The following TRIQK variants were observed in gnomAD, a reference collection of about 807,000 sequenced individuals.
TRIQK encodes the protein triple QxxK/R motif-containing protein.
In TRIQK, 10 loss-of-function variants were observed where a neutral mutation model predicts 10.8. That is an observed-to-expected ratio of 0.92 (90% CI 0.57 to 1.57). The LOEUF (loss-of-function observed/expected upper bound fraction) is 1.57, where lower values mean the gene tolerates loss of function less well. TRIQK is among the 40% of genes most tolerant of loss of function. TRIQK has a pLI of 0.00. For missense variants in TRIQK, 107 were observed against 97.7 expected (o/e 1.09, Z -0.40); for synonymous variants, 33 against 33.7 (o/e 0.98, Z 0.07).
chr8:92,983,339 T>TA (rs1023338837), intron 1 of TRIQK, among the ~76,000 whole-genome samples: 3 of 152,086 alleles, frequency 2.0e-5, no homozygotes, highest in Non-Finnish European at 2.9e-5. Context: ...TTAACTGCTA[T>TA]AAAAAAACAA....
At chr8:92,945,445 G>T (rs1008376010) in intron 2 of TRIQK, among the ~76,000 whole-genome samples, 2 of 152,192 alleles carry the variant, frequency 1.3e-5, no homozygotes, top group Non-Finnish European at 2.9e-5. Context: ...TGAAAGTATA[G>T]GGACAGTAAC....
At chr8:92,905,737 G>C (rs1586394769) in intron 3 of TRIQK, among the ~76,000 whole-genome samples, 1 of 152,262 alleles carries the variant, frequency 6.6e-6, no homozygotes, top group East Asian at 1.9e-4. Context: ...AATGGAATCT[G>C]AAGTACTGTT....
At chr8:92,930,313 C>T (rs1810649235) in intron 2 of TRIQK, among the ~76,000 whole-genome samples, 1 of 148,356 alleles carries the variant, frequency 6.7e-6, no homozygotes, top group Admixed American at 6.7e-5. Flanking sequence ...TCGCTTGAAC[C>T]CGGGAGGTGG....
intron 1 of TRIQK, among the ~76,000 whole-genome samples, chr8:92,958,390 T>C (rs1160707954): frequency 6.6e-6 from 1 of 152,002 alleles, no homozygotes; most frequent in East Asian, 1.9e-4. Flanking sequence ...ATCTGATTGA[T>C]ATGTAACTCA....
chr8:92,979,987 T>C (rs1563671865), intron 1 of TRIQK, among the ~76,000 whole-genome samples: 1 of 152,066 alleles, frequency 6.6e-6, no homozygotes, highest in African/African-American at 2.4e-5. Context: ...TCTAGCATAA[T>C]GTTGAAGAAT....
chr8:92,958,223 C>A (rs990233654), intron 1 of TRIQK, among the ~76,000 whole-genome samples: 1 of 151,920 alleles, frequency 6.6e-6, no homozygotes. Context: ...CCATTGACAG[C>A]TTAATAGCTT....
intron 1 of TRIQK, among the ~76,000 whole-genome samples, chr8:92,961,607 C>A (rs745453044): frequency 3.3e-5 from 5 of 152,212 alleles, no homozygotes; most frequent in Admixed American, 6.5e-5. Flanking sequence ...GTGCACCTTC[C>A]ACCTGCTATA....
chr8:92,988,724 T>C (rs1208728184), intron 1 of TRIQK, among the ~76,000 whole-genome samples: 2 of 152,216 alleles, frequency 1.3e-5, no homozygotes, highest in Non-Finnish European at 1.5e-5. Flanking sequence ...TTTTGTTATC[T>C]CATTACATCA....
intron 2 of TRIQK, among the ~76,000 whole-genome samples, chr8:92,949,790 G>GAAAGAA (rs1554605428): frequency 1.3e-3 from 28 of 21,340 alleles, no homozygotes; most frequent in South Asian, 9.3e-3. Flanking sequence ...GAAAAAGAAA[G>GAAAGAA]AAAGAAAGAA....
intron 1 of TRIQK, among the ~76,000 whole-genome samples, chr8:93,016,349 A>T (rs527264996): frequency 1.2e-4 from 18 of 152,290 alleles, no homozygotes; most frequent in African/African-American, 4.3e-4. Context: ...ATCAGTTGTT[A>T]TTTTCTAATC....
chr8:93,012,942 C>T (rs1170376043), intron 1 of TRIQK, among the ~76,000 whole-genome samples: 1 of 152,130 alleles, frequency 6.6e-6, no homozygotes, highest in African/African-American at 2.4e-5. Flanking sequence ...TGTTTTCACA[C>T]GCACTCTAGG....
At chr8:93,012,557 T>C (rs529221330) in intron 1 of TRIQK, among the ~76,000 whole-genome samples, 5 of 152,322 alleles carry the variant, frequency 3.3e-5, no homozygotes, top group African/African-American at 1.2e-4. Context: ...ATTTTTCTGG[T>C]CTTTAATTCT....
intron 2 of TRIQK, among the ~76,000 whole-genome samples, chr8:92,949,494 T>C (rs1261340708): frequency 6.8e-6 from 1 of 146,762 alleles, no homozygotes; most frequent in Non-Finnish European, 1.5e-5. Flanking sequence ...CCAATTACTA[T>C]TGAGGCAGTA....
At chr8:92,926,810 G>C (rs1201284047) in intron 2 of TRIQK, among the ~76,000 whole-genome samples, 1 of 152,184 alleles carries the variant, frequency 6.6e-6, no homozygotes. Context: ...CCTTATGAGA[G>C]AAAGGAAAGG....
chr8:92,903,155 T>G (rs1809047155), intron 3 of TRIQK, among the ~76,000 whole-genome samples: 1 of 152,076 alleles, frequency 6.6e-6, no homozygotes, highest in African/African-American at 2.4e-5. Context: ...GTTTAAAATT[T>G]TAACATTTTA....
At chr8:92,944,719 G>A (rs770147293) in intron 2 of TRIQK, among the ~76,000 whole-genome samples, 1 of 152,136 alleles carries the variant, frequency 6.6e-6, no homozygotes, top group Non-Finnish European at 1.5e-5. Flanking sequence ...GGGAAAAGGA[G>A]GAGGGTACAG....
intron 1 of TRIQK, among the ~76,000 whole-genome samples, chr8:93,009,218 T>A (rs1586530799): frequency 1.3e-5 from 2 of 152,220 alleles, no homozygotes; most frequent in East Asian, 3.9e-4. Flanking sequence ...GGACAACAGG[T>A]ACATGAAAAA....
intron 3 of TRIQK, among the ~76,000 whole-genome samples, chr8:92,908,210 GTTA>G (rs1290669697): frequency 3.9e-5 from 6 of 152,076 alleles, no homozygotes; most frequent in African/African-American, 1.4e-4. Flanking sequence ...TGAATATCTG[GTTA>G]TTGTTTTATA....
At chr8:92,984,469 G>A (rs867921346) in intron 1 of TRIQK, among the ~76,000 whole-genome samples, 64 of 152,048 alleles carry the variant, frequency 4.2e-4, no homozygotes, top group African/African-American at 1.5e-3. Context: ...TGTGAGTTCA[G>A]TTGGTCATAA....
Sources: allele counts gnomAD v4.1 joint callset (sites outside exome capture counted in the v4.1 genomes callset), GRCh38; gene constraint gnomAD v4.1.1; transcripts MANE v1.5; gene names NCBI Gene and HGNC (gene_info 2026-07-23, HGNC 2026-07-21).